Variants in NFIC observed in about 807,000 individuals in gnomAD.
The protein encoded by NFIC is nuclear factor 1 C-type.
Under a neutral mutation model 54.4 loss-of-function variants are expected in NFIC, and 12 were observed. The ratio of observed to expected loss-of-function variants is 0.22; its 90% CI spans 0.14 to 0.36. The LOEUF is 0.36. Among genes scored for constraint, NFIC ranks in the 10% least tolerant of loss-of-function variants. NFIC has a pLI of 1.00. For missense variants in NFIC, 575 were observed against 718.2 expected (o/e 0.80, Z 2.28); for synonymous variants, 322 against 319.2 (o/e 1.01, Z -0.09).
intron 1 of NFIC, among the ~76,000 whole-genome samples, chr19:3,379,673 C>CTTTTTTTTTTTTT (rs370082450): frequency 9.8e-6 from 1 of 102,538 alleles, no homozygotes; most frequent in African/African-American, 4.7e-5. Context: ...TTATTTCTTT[C>CTTTTTTTTTTTTT]TTTTTTTTTT....
At chr19:3,448,903 A>C in intron 6 of NFIC, 111 bp from the exon 7 acceptor site, 1 of 1,467,048 alleles carries the variant, frequency 6.8e-7, no homozygotes, top group Non-Finnish European at 9.1e-7. Context: ...CTGGGGTAAG[A>C]GGAGGCGGGG....
intron 2 of NFIC, among the ~76,000 whole-genome samples, chr19:3,424,667 G>A (rs2082000713): frequency 6.6e-6 from 1 of 152,214 alleles, no homozygotes; most frequent in African/African-American, 2.4e-5. Flanking sequence ...ACAGGCGTGA[G>A]CCACCGTGCC....
chr19:3,437,116 C>G (rs1046162134), intron 6 of NFIC, among the ~76,000 whole-genome samples: 1 of 151,908 alleles, frequency 6.6e-6, no homozygotes, highest in African/African-American at 2.4e-5. Context: ...GCCTGTAATC[C>G]CAGCACTTTG....
chr19:3,366,534 C>T, upstream of NFIC: 1 of 361,260 alleles, frequency 2.8e-6, no homozygotes, highest in Non-Finnish European at 4.2e-6. Context: ...GGCCGCGGGG[C>T]GGGGGGGGGG....
intron 2 of NFIC, among the ~76,000 whole-genome samples, chr19:3,423,941 G>A (rs774301365): frequency 2.9e-4 from 44 of 152,210 alleles, no homozygotes; most frequent in Admixed American, 5.2e-4. Flanking sequence ...TCTGTAAAAC[G>A]GACATAGTGA....
At chr19:3,398,725 G>A (rs559843816) in intron 2 of NFIC, among the ~76,000 whole-genome samples, 22 of 152,284 alleles carry the variant, frequency 1.4e-4, no homozygotes, top group African/African-American at 5.3e-4. Flanking sequence ...GGTTGCTGCC[G>A]GATGGACAAG....
Position 3,429,250 on chromosome 19 carries a change from ATATAC to A in NFIC, c.634+4074_634+4078del, listed in dbSNP as rs1568443776. Among the ~76,000 whole-genome samples, 22 of 45,662 alleles carry A rather than the reference ATATAC, an allele frequency of 4.8e-4. 2 individuals are homozygous for A. The highest frequency in any genetic ancestry group is 1.5e-3 in the African/African-American group (13 of 8,566). 30.0% of individuals were successfully genotyped at this position (45,662 alleles called of 152,430 possible). ...CTACCCCAAAAAAAAAAAAAAAAATATATACACACACACACACACACACACACACA... is the reference window on the plus strand; with the variant it reads ...CTACCCCAAAAAAAAAAAAAAAAATAACACACACACACACACACACACACA... On this transcript the variant is annotated intron_variant, in intron 3 of 10. Coordinates refer to ENST00000443272, the MANE Select transcript of NFIC (RefSeq NM_001245002.2).
chr19:3,404,463 G>T (rs374785325), intron 2 of NFIC, among the ~76,000 whole-genome samples: 1 of 152,164 alleles, frequency 6.6e-6, no homozygotes, highest in African/African-American at 2.4e-5. Context: ...GCGGGTGGGC[G>T]CTTGGCAAGG....
At position 3,458,702 on chromosome 19, in the gene NFIC, G is replaced by A. The variant is rs2082596578; in HGVS notation, c.1509+2067G>A. Among the ~76,000 whole-genome samples the A allele has an allele frequency of 6.6e-6, 1 of 152,138 alleles. No homozygotes were observed. The highest frequency in any genetic ancestry group is 2.1e-4 in the South Asian group (1 of 4,824). ...CGGGGGAGGGGGAGCTGGCTGGAAT[G>A]TGAGAGATCTCCGGTGGCAGGGGCC... On this transcript the variant is annotated intron_variant, in intron 10 of 10. Transcript: ENST00000443272. This position sits in a 1 kb window ranked among gnomAD's most constrained non-coding sequence, Gnocchi z 4.1.
intron 2 of NFIC, among the ~76,000 whole-genome samples, chr19:3,403,191 A>AG (rs2081584155): frequency 6.6e-6 from 1 of 152,162 alleles, no homozygotes; most frequent in African/African-American, 2.4e-5. Context: ...CCTGTGTAGC[A>AG]GGCTCTGGGG....
chr19:3,369,622 G>A lies in NFIC; in HGVS notation c.30+2956G>A, dbSNP rs370188304. Reference sequence around the variant, plus strand: ...TGGGGCATTCTGGGAGCCCCGGGCCGGGCTCAGCGGTGACTCAAGCGCTTT... The same window carrying A: ...TGGGGCATTCTGGGAGCCCCGGGCCAGGCTCAGCGGTGACTCAAGCGCTTT... On this transcript the variant is annotated intron_variant, in intron 1 of 10. Transcript: ENST00000443272. The surrounding 1 kb of genome is among the most constrained non-coding windows in gnomAD (Gnocchi z 4.3). Among the ~76,000 whole-genome samples, 284 of 152,180 alleles carry A rather than the reference G, an allele frequency of 1.9e-3. 1 individual carries two copies. Among genetic ancestry groups the A allele is most frequent in the African/African-American group, 5.8e-3 (239 of 41,518 alleles).
At chr19:3,435,350 C>T (rs939372616) in intron 6 of NFIC, 143 bp downstream of exon 6, 1 of 1,234,734 alleles carries the variant, frequency 8.1e-7, no homozygotes, top group Admixed American at 3.1e-5. Context: ...TTGTAGTCGT[C>T]CCGAGCTGCG....
rs1445720455 is a variant in NFIC, at chr19:3,382,213, C to G, written c.532C>G (p.Leu178Val). Reference protein sequence around the residue: ...HIGVAVKELDLYLAYFVRERD... With the variant: ...HIGVAVKELDVYLAYFVRERD... ...TGGCGTGGCCGTCAAGGAGCTGGACCTCTACCTGGCCTACTTCGTGCGTGA... is the reference window on the plus strand; with the variant it reads ...TGGCGTGGCCGTCAAGGAGCTGGACGTCTACCTGGCCTACTTCGTGCGTGA... Residue 178 changes from leucine (L) to valine (V), a missense_variant, in exon 2 of 11, where the codon CTC (leucine) becomes GTC (valine). Leu to Val is a conservative substitution (Grantham distance 32). This residue lies in a region of NFIC where 447 missense variants were observed against 526.9 expected (regional missense o/e 0.85). Coordinates refer to ENST00000443272, the MANE Select transcript of NFIC (RefSeq NM_001245002.2). The G allele has an allele frequency of 6.2e-7, 1 of 1,606,854 alleles. No homozygotes were observed. The highest frequency in any genetic ancestry group is 8.5e-7 in the Non-Finnish European group (1 of 1,179,694).
intron 2 of NFIC, among the ~76,000 whole-genome samples, chr19:3,394,735 A>T (rs906857422): frequency 1.3e-5 from 2 of 151,772 alleles, no homozygotes; most frequent in Non-Finnish European, 2.9e-5. Context: ...GCAAGTGACC[A>T]TTCTCACCTG....
At chr19:3,409,780 G>A (rs1340651219) in intron 2 of NFIC, among the ~76,000 whole-genome samples, 5 of 152,346 alleles carry the variant, frequency 3.3e-5, no homozygotes, top group South Asian at 4.1e-4. Context: ...TCCAGCGTGC[G>A]TGGCTGTTGT....
intron 2 of NFIC, among the ~76,000 whole-genome samples, chr19:3,392,888 G>A (rs2081397232): frequency 1.3e-5 from 2 of 152,354 alleles, no homozygotes; most frequent in African/African-American, 2.4e-5. Context: ...GCATTGCCCC[G>A]AGTTGCCCAG....
At chr19:3,446,140 C>T (rs771597165) in intron 6 of NFIC, among the ~76,000 whole-genome samples, 3 of 152,214 alleles carry the variant, frequency 2.0e-5, no homozygotes, top group Non-Finnish European at 2.9e-5. Flanking sequence ...CCAGAAGAAG[C>T]TCCTGACAGG....
chr19:3,421,441 G>A (rs991174081), intron 2 of NFIC, among the ~76,000 whole-genome samples: 15 of 152,220 alleles, frequency 9.9e-5, no homozygotes, highest in African/African-American at 2.4e-4. Context: ...GGCCAGCTCC[G>A]AGGGGCCGCT....
intron 3 of NFIC, among the ~76,000 whole-genome samples, chr19:3,426,838 C>A (rs2082034690): frequency 6.6e-6 from 1 of 152,116 alleles, no homozygotes; most frequent in Admixed American, 6.6e-5. Context: ...CTCTCCAGAT[C>A]TCCCCTGGTC....
Sources: gnomAD v4.1 joint callset for allele counts (sites outside exome capture counted in the v4.1 genomes callset) on GRCh38, gnomAD v4.1.1 for gene constraint, gnomAD v4.1.1 regional missense constraint, Gnocchi (gnomAD v3.1) non-coding constraint, MANE v1.5 for transcripts, NCBI Gene and HGNC (gene_info 2026-07-23, HGNC 2026-07-21) for gene names.